The following CACNA1I variants were observed in gnomAD, a reference collection of about 807,000 sequenced individuals.
The protein encoded by CACNA1I is voltage-dependent T-type calcium channel subunit alpha-1I.
In CACNA1I, 74 loss-of-function variants were observed where a neutral mutation model predicts 201.6. The ratio of observed to expected loss-of-function variants is 0.37; its 90% confidence interval spans 0.30 to 0.45. The LOEUF (loss-of-function observed/expected upper bound fraction) is 0.45, where lower values mean the gene tolerates loss of function less well. CACNA1I is among the 20% of genes least tolerant of loss of function. The pLI, the probability that CACNA1I is intolerant of heterozygous loss-of-function variation, is 1.00. For missense variants in CACNA1I, 2,346 were observed against 3,138.1 expected (o/e 0.75, Z 6.03); for synonymous variants, 1,431 against 1,345.2 (o/e 1.06, Z -1.40).
chr22:39,594,395 T>C (rs1034369839), intron 1 of CACNA1I, among the ~76,000 whole-genome samples: 2 of 152,074 alleles, frequency 1.3e-5, no homozygotes, highest in Admixed American at 1.3e-4. Flanking sequence ...ATGGGGGATG[T>C]TCTTTGGTAA....
intron 5 of CACNA1I, 27 bp from the exon 6 acceptor site, chr22:39,640,840 C>G (rs1934333486): frequency 4.4e-6 from 7 of 1,580,500 alleles, no homozygotes; most frequent in Non-Finnish European, 6.0e-6. Context: ...CCCTTTCCCT[C>G]TTTTACCCAC....
chr22:39,646,604 T>C lies in CACNA1I; in HGVS notation c.1185T>C (p.Val395=). 1 of 1,569,700 alleles carries C rather than the reference T, an allele frequency of 6.4e-7. No individual in the cohort carries two copies. The highest frequency in any genetic ancestry group is 8.6e-7 in the Non-Finnish European group (1 of 1,157,510). The change falls in exon 8 of 37, where the codon GTT becomes GTC. Residue 395 remains valine, a synonymous_variant. Coordinates refer to ENST00000402142, the MANE Select transcript of CACNA1I (RefSeq NM_021096.4). ...TCTTCATGATCAACCTGTGCCTCGT[T>C]GTCATAGCGACCCAGTTCTCGGAGA... is the stretch of plus-strand genomic sequence containing the variant. ...GSFFMINLCL[V]VIATQFSETK...
intron 3 of CACNA1I, among the ~76,000 whole-genome samples, chr22:39,614,739 G>A (rs1298332515): frequency 2.0e-5 from 3 of 152,158 alleles, no homozygotes; most frequent in African/African-American, 4.8e-5. Context: ...GAATAAGGTC[G>A]GAGTAGAGGG....
At chr22:39,644,998 T>G (rs892434771) in intron 7 of CACNA1I, among the ~76,000 whole-genome samples, 1 of 151,828 alleles carries the variant, frequency 6.6e-6, no homozygotes, top group Non-Finnish European at 1.5e-5. Flanking sequence ...CCCAGTGCTT[T>G]TTTTTAAGAC....
chr22:39,585,637 C>A, intron 1 of CACNA1I, among the ~76,000 whole-genome samples: 1 of 149,186 alleles, frequency 6.7e-6, no homozygotes. Context: ...ATCTGCCCAC[C>A]TCGGCCTCCC....
chr22:39,594,983 A>G (rs1285739090), intron 1 of CACNA1I, among the ~76,000 whole-genome samples: 1 of 152,222 alleles, frequency 6.6e-6, no homozygotes, highest in Non-Finnish European at 1.5e-5. Flanking sequence ...GATGAGTAGC[A>G]ACCAATAATA....
Position 39,662,151 on chromosome 22 carries a change from G to A in CACNA1I, c.3088G>A (p.Ala1030Thr), listed in dbSNP as rs1021543370. The change falls in exon 17 of 37, where the codon GCA becomes ACA. Residue 1030 changes from alanine to threonine, a missense_variant. By Grantham distance (58) the Ala-to-Thr change is moderately conservative. Transcript: ENST00000402142. ...VAADEGPPRA[A>T]PLHTPHAHHI... ...CGCGGACGAGGGGCCGCCGCGGGCC[G>A]CACCCCTGCACACCCCACACGCCCA... The A allele has an allele frequency of 1.0e-5, 16 of 1,525,266 alleles. No individual in the cohort carries two copies. The highest frequency in any genetic ancestry group is 1.4e-5 in the Non-Finnish European group (16 of 1,140,048). The allele number at this position is 1,525,266 out of a possible 1,614,324, so 94.5% of individuals were successfully genotyped here.
At position 39,641,046 on chromosome 22, in the gene CACNA1I, G is replaced by A. The variant is rs59986512; in HGVS notation, c.920G>A (p.Arg307His). 9,722 of 1,614,028 alleles carry A rather than the reference G, an allele frequency of 6.0e-3. 50 individuals are homozygous for A. The highest frequency in any genetic ancestry group is 7.0e-3 in the Non-Finnish European group (8,256 of 1,179,906). The change falls in exon 6 of 37, where the codon CGC becomes CAC. Residue 307 changes from arginine (R) to histidine (H), a missense_variant. Arg to His is a conservative substitution (Grantham distance 29). Around this residue, in one of 13 missense-constraint regions of CACNA1I, gnomAD observed 227 missense variants for 412.5 expected, o/e 0.55. Transcript: ENST00000402142. ...KDDVYDFGAG[R>H]QDLNASGLCV... ...GACGTCTACGACTTTGGGGCGGGGC[G>A]CCAGGACCTCAATGCCAGCGGCCTC...
chr22:39,583,328 C>A (rs866532310), intron 1 of CACNA1I, among the ~76,000 whole-genome samples: 46 of 149,884 alleles, frequency 3.1e-4, no homozygotes, highest in African/African-American at 1.1e-3. Context: ...ATTCATCTAT[C>A]CAACCATCCA....
chr22:39,658,987 G>A lies in CACNA1I; in HGVS notation c.2201G>A (p.Arg734Gln). 2 of 1,608,992 alleles carry A rather than the reference G, an allele frequency of 1.2e-6. No homozygotes were observed. The highest frequency in any genetic ancestry group is 1.7e-6 in the Non-Finnish European group (2 of 1,178,592). ...DGGLSVLRTFRLLRVLKLVRF... is the reference protein window; with the variant it reads ...DGGLSVLRTFQLLRVLKLVRF... Reference sequence around the variant, plus strand: ...GGGCTGTCGGTGCTGCGGACCTTCCGGCTGCTGCGCGTGCTGAAACTGGTG... The same window carrying A: ...GGGCTGTCGGTGCTGCGGACCTTCCAGCTGCTGCGCGTGCTGAAACTGGTG... Residue 734 changes from arginine (R) to glutamine (Q), a missense_variant, in exon 12 of 37, where the codon CGG becomes CAG. Transcript: ENST00000402142.
rs1467389507 is a variant in CACNA1I at position 39,656,582 on chromosome 22, C to T, written c.1993-1570C>T. 7.7e-6 allele frequency: 4 copies of T among 517,078 alleles called. No individual in the cohort carries two copies. The Admixed American group carries it at 7.8e-5, about 10-fold the overall frequency. The allele number at this position is 517,078 out of a possible 1,614,324, so 32.0% of individuals were successfully genotyped here. ...CGGTGCCCTGACTCCCTCACCACTG[C>T]CCACCCTGGTAGCTCGAGCCCAGCA... is the stretch of plus-strand genomic sequence containing the variant. On this transcript the variant is annotated intron_variant, in intron 10 of 36. Transcript: ENST00000402142.
chr22:39,645,843 C>T (rs926577451), intron 7 of CACNA1I, among the ~76,000 whole-genome samples: 3 of 152,252 alleles, frequency 2.0e-5, no homozygotes, highest in Non-Finnish European at 2.9e-5. Flanking sequence ...CCAATGCCAA[C>T]CAGGGCAGCC....
At chr22:39,626,330 C>T (rs898490041) in intron 4 of CACNA1I, among the ~76,000 whole-genome samples, 13 of 152,202 alleles carry the variant, frequency 8.5e-5, no homozygotes, top group Admixed American at 1.3e-4. Context: ...CTACGCGATC[C>T]GCAGGTGCTG....
intron 31 of CACNA1I, 125 bp from the exon 32 acceptor site, chr22:39,678,982 C>T (rs1342158077): frequency 5.7e-5 from 41 of 715,462 alleles, no homozygotes; most frequent in African/African-American, 1.1e-4. Flanking sequence ...CAGGGCAGCC[C>T]GGGGCCATCT....
chr22:39,625,150 C>T (rs888174036), intron 4 of CACNA1I, among the ~76,000 whole-genome samples: 10 of 152,048 alleles, frequency 6.6e-5, no homozygotes, highest in Admixed American at 3.9e-4. Context: ...TTGTGATCCA[C>T]CCGTCTCGGT....
At position 39,681,014 on chromosome 22, in the gene CACNA1I, G is replaced by T; in HGVS notation, c.5626G>T (p.Asp1876Tyr). Residue 1876 changes from aspartate (D) to tyrosine (Y), a missense_variant, in exon 34 of 37, where the codon GAC becomes TAC. Asp to Tyr is a radical substitution (Grantham distance 160, BLOSUM62 -3). This residue lies in a region of CACNA1I where 441 missense variants were observed against 555.6 expected (regional missense o/e 0.79). Coordinates refer to ENST00000402142, the MANE Select transcript of CACNA1I (RefSeq NM_021096.4). Reference protein sequence around the residue: ...ILLGDDLSLEDPTACPPGRKD... With the variant: ...ILLGDDLSLEYPTACPPGRKD... ...GCTGGGTGACGACCTGAGTCTCGAG[G>T]ACCCCACAGCCTGCCCACCTGGCCG... 1 of 1,611,214 alleles carries T rather than the reference G, an allele frequency of 6.2e-7. No individual in the cohort carries two copies. The highest frequency in any genetic ancestry group is 8.5e-7 in the Non-Finnish European group (1 of 1,179,408).
intron 23 of CACNA1I, among the ~76,000 whole-genome samples, chr22:39,667,617 T>C (rs904576312): frequency 2.6e-5 from 4 of 152,028 alleles, no homozygotes; most frequent in Non-Finnish European, 5.9e-5. Flanking sequence ...CAGAACCAGA[T>C]GTGAACTCAC....
rs1935053238 is a variant in CACNA1I at position 39,662,398 on chromosome 22, G to A, written c.3335G>A (p.Arg1112His). 1.4e-6 allele frequency: 2 copies of A among 1,463,172 alleles called. No individual in the cohort carries two copies. Among genetic ancestry groups the A allele is most frequent in the Non-Finnish European group, 1.8e-6 (2 of 1,116,950 alleles). The allele number at this position is 1,463,172 out of a possible 1,614,324, so 90.6% of individuals were successfully genotyped here. A position where few individuals can be genotyped will look rare whatever the true frequency, so the allele number is the denominator to read the frequency against. ...AKDVFTKMGDRGDRGEDEEEI... is the reference protein window; with the variant it reads ...AKDVFTKMGDHGDRGEDEEEI... ...GACGTCTTCACCAAGATGGGCGACCGCGGGGATCGCGGGGAGGATGAGGAG... is the reference window on the plus strand; with the variant it reads ...GACGTCTTCACCAAGATGGGCGACCACGGGGATCGCGGGGAGGATGAGGAG... Residue 1112 changes from arginine (R) to histidine (H), a missense_variant, in exon 17 of 37, where the codon CGC (arginine) becomes CAC (histidine). By Grantham distance (29) the Arg-to-His change is conservative (BLOSUM62 0). Transcript: ENST00000402142.
chr22:39,591,806 C>T (rs572716850), intron 1 of CACNA1I, among the ~76,000 whole-genome samples: 137 of 152,288 alleles, frequency 9.0e-4, no homozygotes, highest in African/African-American at 3.1e-3. Context: ...GTGATCTGCC[C>T]GCCTTGGCCC....
Sources: gnomAD v4.1 joint callset for allele counts (sites outside exome capture counted in the v4.1 genomes callset) on GRCh38, gnomAD v4.1.1 for gene constraint, gnomAD v4.1.1 regional missense constraint, MANE v1.5 for transcripts, NCBI Gene and HGNC (gene_info 2026-07-23, HGNC 2026-07-21) for gene names.